AKAP10: variants seen among roughly 807,000 people sequenced by gnomAD.
The protein encoded by AKAP10 is A-kinase anchoring protein 10.
Under a neutral mutation model 80.8 loss-of-function variants are expected in AKAP10, and 24 were observed. The observed-to-expected ratio is 0.30, with a 90% CI of 0.22 to 0.42. The LOEUF is 0.42. AKAP10 is among the 10% of genes least tolerant of loss of function. The pLI is 1.00. For synonymous variants in AKAP10, 291 were observed against 277.7 expected (o/e 1.05, Z -0.48); for missense variants, 661 against 794.9 (o/e 0.83, Z 2.03).
At chr17:19,940,286 G>T (rs1455633083) in intron 7 of AKAP10, among the ~76,000 whole-genome samples, 1 of 152,166 alleles carries the variant, frequency 6.6e-6, no homozygotes, top group Non-Finnish European at 1.5e-5. Context: ...AATCAACTGA[G>T]TACCTGTATT....
chr17:19,936,337 G>A lies in AKAP10; in HGVS notation c.1416C>T (p.Leu472=), dbSNP rs2152413745. 6.2e-7 allele frequency: 1 copy of A among 1,613,910 alleles called. No individual in the cohort carries two copies. The highest frequency in any genetic ancestry group is 1.1e-5 in the South Asian group (1 of 91,048). The change falls in exon 9 of 15, where the codon CTC becomes CTT. Residue 472 remains leucine (L), a synonymous_variant. Coordinates refer to ENST00000225737, the MANE Select transcript of AKAP10 (RefSeq NM_007202.4). ...ESNICREGGP[L]PNCFTTPLRQ... ...GTAATGGAGTTGTGAAACAGTTGGG[G>A]AGTGGCCCACCTTCCCTGCAGATAT...
At chr17:19,946,275 A>ATTTTTTTTT (rs71157846) in intron 5 of AKAP10, among the ~76,000 whole-genome samples, 1 of 12,944 alleles carries the variant, frequency 7.7e-5, no homozygotes, top group Non-Finnish European at 1.4e-4. Flanking sequence ...ATATATATAT[A>ATTTTTTTTT]TTTTTTTTTT....
At chr17:19,921,388 T>C (rs962231711) in intron 11 of AKAP10, among the ~76,000 whole-genome samples, 1 of 151,938 alleles carries the variant, frequency 6.6e-6, no homozygotes, top group East Asian at 1.9e-4. Flanking sequence ...GTGGTCTCGA[T>C]CTCTTGATCT....
intron 10 of AKAP10, chr17:19,929,451 C>A (rs976590871): frequency 6.6e-6 from 1 of 152,046 alleles, no homozygotes; most frequent in African/African-American, 2.4e-5. Context: ...ATAGTAGCTA[C>A]CCTGGTGACA....
intron 1 of AKAP10, among the ~76,000 whole-genome samples, chr17:19,969,499 C>A (rs149363273): frequency 6.6e-6 from 1 of 151,320 alleles, no homozygotes; most frequent in African/African-American, 2.4e-5. Context: ...AATTCTATCA[C>A]AGGATCTGAC....
chr17:19,912,342 G>A (rs1388045020), intron 12 of AKAP10, among the ~76,000 whole-genome samples: 2 of 152,176 alleles, frequency 1.3e-5, no homozygotes, highest in African/African-American at 4.8e-5. Context: ...TTCGAGACCA[G>A]CCTGGTCAAC....
At chr17:19,973,485 A>G (rs2043525461) in intron 1 of AKAP10, among the ~76,000 whole-genome samples, 2 of 152,250 alleles carry the variant, frequency 1.3e-5, no homozygotes, top group Non-Finnish European at 2.9e-5. Context: ...ATGGATAACT[A>G]GCATCATTTA....
chr17:19,967,704 GA>G (rs2043438329), intron 2 of AKAP10, among the ~76,000 whole-genome samples: 1 of 151,890 alleles, frequency 6.6e-6, no homozygotes, highest in African/African-American at 2.4e-5. Flanking sequence ...CCAACACGGT[GA>G]AACCCTGTCT....
At chr17:19,976,124 G>A (rs1026474149) in intron 1 of AKAP10, among the ~76,000 whole-genome samples, 4 of 152,132 alleles carry the variant, frequency 2.6e-5, no homozygotes, top group African/African-American at 9.7e-5. Flanking sequence ...TAACTGGTCT[G>A]CCCCTGTTAC....
chr17:19,959,152 C>T (rs1404811239), intron 3 of AKAP10, among the ~76,000 whole-genome samples: 1 of 151,816 alleles, frequency 6.6e-6, no homozygotes. Context: ...TGCGCCCAGC[C>T]CAGACTACAT....
rs547697308 is a variant in AKAP10 at position 19,941,331 on chromosome 17, T to C, written c.1062-321A>G. 9.2e-5 allele frequency among the ~76,000 whole-genome samples: 14 copies of C among 152,338 alleles called. No individual in the cohort carries two copies. In the South Asian group the frequency reaches 2.7e-3, roughly 29 times the overall value. On this transcript the variant is annotated intron_variant, in intron 6 of 14. Coordinates refer to ENST00000225737, the MANE Select transcript of AKAP10 (RefSeq NM_007202.4). ...TAACCACGTCTTACACAGAGCACTC[T>C]TCTGATAAATGTTAAGTGAAAGAAT...
chr17:19,941,131 A>T (rs1276537627), intron 6 of AKAP10, 121 bp from the exon 7 acceptor site: 11 of 1,011,006 alleles, frequency 1.1e-5, no homozygotes, highest in Non-Finnish European at 1.5e-5. Flanking sequence ...ACACTACCTT[A>T]CTCCCCATGG....
At chr17:19,941,319 C>T (rs1207444080) in intron 6 of AKAP10, among the ~76,000 whole-genome samples, 1 of 152,188 alleles carries the variant, frequency 6.6e-6, no homozygotes, top group African/African-American at 2.4e-5. Context: ...CCACGTCTTA[C>T]ACAGAGCACT....
intron 12 of AKAP10, among the ~76,000 whole-genome samples, chr17:19,913,137 C>T (rs2042708695): frequency 6.7e-6 from 1 of 150,046 alleles, no homozygotes; most frequent in Non-Finnish European, 1.5e-5. Flanking sequence ...GTACCCGCCA[C>T]CACGCCTGGC....
chr17:19,922,510 T>G (rs1476996047), intron 11 of AKAP10, among the ~76,000 whole-genome samples: 1 of 152,206 alleles, frequency 6.6e-6, no homozygotes, highest in Non-Finnish European at 1.5e-5. Flanking sequence ...CCTCCCAAAG[T>G]GCTGGGATTA....
chr17:19,930,199 GTTAT>G (rs924378925), intron 10 of AKAP10, among the ~76,000 whole-genome samples: 1 of 152,076 alleles, frequency 6.6e-6, no homozygotes, highest in Non-Finnish European at 1.5e-5. Context: ...AATTCAAAGG[GTTAT>G]TTATTTGTCA....
At chr17:19,920,184 C>T in intron 11 of AKAP10, 66 bp from the exon 12 acceptor site, 1 of 1,215,258 alleles carries the variant, frequency 8.2e-7, no homozygotes, top group Non-Finnish European at 1.2e-6. Context: ...AGAAAACAAT[C>T]AATTTAAAGC....
intron 12 of AKAP10, among the ~76,000 whole-genome samples, chr17:19,918,008 C>G (rs2042766897): frequency 6.6e-6 from 1 of 151,872 alleles, no homozygotes; most frequent in African/African-American, 2.4e-5. Flanking sequence ...ATTACGAGGT[C>G]AGGAGTTCCG....
intron 9 of AKAP10, chr17:19,936,023 C>T: frequency 6.9e-6 from 2 of 291,210 alleles, no homozygotes; most frequent in Non-Finnish European, 1.2e-5. Context: ...TTTATTTTTT[C>T]TAACTTTTGT....
Sources: gnomAD v4.1 joint callset for allele counts (sites outside exome capture counted in the v4.1 genomes callset) on GRCh38, gnomAD v4.1.1 for gene constraint, MANE v1.5 for transcripts, NCBI Gene and HGNC (gene_info 2026-07-23, HGNC 2026-07-21) for gene names.